Variants in RHPN2 observed in about 807,000 individuals in gnomAD.
RHPN2 encodes rhophilin Rho GTPase binding protein 2, also known as rhophilin-2.
A neutral mutation model predicts 79.0 loss-of-function variants in RHPN2; 40 were observed. The observed-to-expected ratio is 0.51, with a 90% confidence interval of 0.39 to 0.66. The LOEUF (loss-of-function observed/expected upper bound fraction) is 0.66, where lower values mean the gene tolerates loss of function less well. Ranked by LOEUF, RHPN2 falls within the 30% of genes least tolerant of loss-of-function variation. The pLI is 0.00. For synonymous variants in RHPN2, 285 were observed against 363.5 expected (o/e 0.78, Z 2.46); for missense variants, 686 against 883.5 (o/e 0.78, Z 2.83).
At chr19:32,998,057 G>A (rs1476915241) in intron 10 of RHPN2, among the ~76,000 whole-genome samples, 1 of 152,196 alleles carries the variant, frequency 6.6e-6, no homozygotes, top group Non-Finnish European at 1.5e-5. Flanking sequence ...GAGAGCAGGG[G>A]ACTGATGTGA....
chr19:33,062,498 AGT>A (rs1310264639), intron 1 of RHPN2, among the ~76,000 whole-genome samples: 20 of 150,166 alleles, frequency 1.3e-4, no homozygotes, highest in Admixed American at 4.0e-4. Flanking sequence ...AGCCGGGCGC[AGT>A]GGCTTACACC....
rs76516449 is a variant in RHPN2, at chr19:33,062,767, CATAATAATAATAATAATAATA to C, written c.69+1996_69+2016del. Among the ~76,000 whole-genome samples the C allele has an allele frequency of 1.3e-4, 18 of 143,666 alleles. No homozygotes were observed. The East Asian group carries it at 2.8e-3, about 23-fold the overall frequency. The allele number at this position is 143,666 out of a possible 152,430, so 94.3% of individuals were successfully genotyped here. On this transcript the variant is annotated intron_variant, in intron 1 of 14. Transcript: ENST00000254260. Reference sequence around the variant, plus strand: ...TGAGCGACAGAGTGAGACTCTGTTTCATAATAATAATAATAATAATAATAATAATAATAATAATTAATAAAT... The same window carrying C: ...TGAGCGACAGAGTGAGACTCTGTTTCATAATAATAATAATAATTAATAAAT...
intron 3 of RHPN2, among the ~76,000 whole-genome samples, chr19:33,025,299 C>A: frequency 7.7e-6 from 1 of 129,758 alleles, no homozygotes; most frequent in Admixed American, 9.0e-5. Context: ...ATGATGAAAC[C>A]CTGTCTCTAC....
At chr19:33,028,909 T>G (rs1971988145) in intron 2 of RHPN2, among the ~76,000 whole-genome samples, 3 of 151,792 alleles carry the variant, frequency 2.0e-5, no homozygotes, top group South Asian at 4.1e-4. Flanking sequence ...GAGGTTGAGG[T>G]GGGTAGATCA....
intron 1 of RHPN2, among the ~76,000 whole-genome samples, chr19:33,062,158 T>C (rs756860750): frequency 9.2e-5 from 14 of 152,152 alleles, no homozygotes; most frequent in Non-Finnish European, 2.1e-4. Context: ...TCCTCTTATT[T>C]TGCACCCCTG....
Position 33,008,162 on chromosome 19 carries a change from C to A in RHPN2, c.612G>T (p.Gly204=), listed in dbSNP as rs754034877. The change falls in exon 7 of 15, where the codon GGG becomes GGT. Residue 204 remains glycine (G), a synonymous_variant. Coordinates refer to ENST00000254260, the MANE Select transcript of RHPN2 (RefSeq NM_033103.5). ...GCAGGTTCTGCTGGCTGACCGGAACCCCGGTGAGAGAGTCATACCTATGTG... is the reference window on the plus strand; with the variant it reads ...GCAGGTTCTGCTGGCTGACCGGAACACCGGTGAGAGAGTCATACCTATGTG... ...LLFTWYDSLT[G]VPVSQQNLLL... 3.1e-6 allele frequency: 5 copies of A among 1,613,936 alleles called. No individual in the cohort carries two copies. Among genetic ancestry groups the A allele is most frequent in the African/African-American group, 1.3e-5 (1 of 74,910 alleles).
At chr19:33,007,862 C>G in intron 7 of RHPN2, 152 bp downstream of exon 7, 2 of 851,098 alleles carry the variant, frequency 2.3e-6, no homozygotes, top group Non-Finnish European at 1.8e-6. Flanking sequence ...CGCGCCCGGC[C>G]GGAGCAAGTT....
At chr19:33,033,712 T>C (rs539132668) in intron 2 of RHPN2, among the ~76,000 whole-genome samples, 1 of 150,484 alleles carries the variant, frequency 6.6e-6, no homozygotes, top group East Asian at 2.0e-4. Flanking sequence ...CTACTGAAAA[T>C]ACAAAATTAG....
At chr19:33,017,126 C>G (rs890437455) in intron 4 of RHPN2, among the ~76,000 whole-genome samples, 1 of 152,162 alleles carries the variant, frequency 6.6e-6, no homozygotes, top group African/African-American at 2.4e-5. Context: ...CACCTGTAAT[C>G]CCAGCACTTT....
At chr19:33,008,236 A>C in intron 6 of RHPN2, 56 bp from the exon 7 acceptor site, 1 of 1,524,356 alleles carries the variant, frequency 6.6e-7, no homozygotes, top group Non-Finnish European at 8.9e-7. Flanking sequence ...TTAATGCTAC[A>C]AGTGGAAAAA....
At chr19:33,055,484 G>T (rs1212591171) in intron 1 of RHPN2, among the ~76,000 whole-genome samples, 1 of 152,026 alleles carries the variant, frequency 6.6e-6, no homozygotes, top group Non-Finnish European at 1.5e-5. Context: ...AGGGTCCAAG[G>T]GGATGGATCT....
At chr19:32,998,260 A>C (rs192599882) in intron 10 of RHPN2, among the ~76,000 whole-genome samples, 1 of 152,294 alleles carries the variant, frequency 6.6e-6, no homozygotes, top group African/African-American at 2.4e-5. Context: ...TGTGGCTTCC[A>C]CCAGGGCAGC....
At chr19:32,998,249 A>T (rs1275107783) in intron 10 of RHPN2, among the ~76,000 whole-genome samples, 2 of 152,214 alleles carry the variant, frequency 1.3e-5, no homozygotes, top group Non-Finnish European at 2.9e-5. Flanking sequence ...CACTGTACAC[A>T]TGTGGCTTCC....
intron 2 of RHPN2, among the ~76,000 whole-genome samples, chr19:33,032,854 T>C (rs1272721815): frequency 1.3e-5 from 2 of 152,142 alleles, no homozygotes; most frequent in Non-Finnish European, 2.9e-5. Context: ...CTTCCTCCTA[T>C]TGCCTGCCAG....
intron 2 of RHPN2, among the ~76,000 whole-genome samples, chr19:33,036,365 G>T (rs992653346): frequency 7.9e-5 from 12 of 151,968 alleles, no homozygotes; most frequent in African/African-American, 2.9e-4. Context: ...AATTAGCTGG[G>T]AATGGTGGTA....
chr19:33,012,714 A>T lies in RHPN2; in HGVS notation c.401T>A (p.Leu134Gln), dbSNP rs1971845176. 6.3e-7 allele frequency: 1 copy of T among 1,592,684 alleles called. No homozygotes were observed. The highest frequency in any genetic ancestry group is 2.2e-5 in the East Asian group (1 of 44,772). The change falls in exon 5 of 15, where the codon CTG (leucine) becomes CAG (glutamine). Residue 134 changes from leucine to glutamine, a missense_variant. Leu to Gln is a moderately radical substitution (Grantham distance 113). Transcript: ENST00000254260. ...DFAVVLKDFI[L>Q]EHYSEDGYLY... ...ATAGCCATCTTCACTGTAATGTTCC[A>T]GGATAAAATCCTTAAAGAAAAATGA...
At chr19:32,994,729 C>A (rs75923582) in intron 11 of RHPN2, among the ~76,000 whole-genome samples, 58 of 151,854 alleles carry the variant, frequency 3.8e-4, no homozygotes, top group Non-Finnish European at 6.2e-4. Context: ...TGGGAGGCCA[C>A]GGTGGGAGGA....
Position 32,991,935 on chromosome 19 carries a change from C to T in RHPN2, c.1532G>A (p.Trp511Ter). 6.2e-7 allele frequency: 1 copy of T among 1,613,956 alleles called. No homozygotes were observed. The highest frequency in any genetic ancestry group is 8.5e-7 in the Non-Finnish European group (1 of 1,179,860). The change falls in exon 13 of 15, where the codon TGG becomes TAG. Residue 511 changes from tryptophan to a stop codon, truncating the protein, a stop_gained. Transcript: ENST00000254260. LOFTEE classifies it high-confidence loss of function. ...PLSVFSANKR[W>*]TPPRSIRFTA... ...GAAGCGGATGCTTCGAGGAGGCGTC[C>T]ACCGCTTGTTAGCCGAAAACACAGA...
chr19:33,020,781 G>T (rs535208434), intron 4 of RHPN2, among the ~76,000 whole-genome samples: 1 of 152,138 alleles, frequency 6.6e-6, no homozygotes, highest in African/African-American at 2.4e-5. Flanking sequence ...GATTACAGGC[G>T]TGAGCCACTG....
Sources: gnomAD v4.1 joint callset for allele counts (sites outside exome capture counted in the v4.1 genomes callset) on GRCh38, gnomAD v4.1.1 for gene constraint, MANE v1.5 for transcripts, NCBI Gene and HGNC (gene_info 2026-07-23, HGNC 2026-07-21) for gene names.